Variants in ZFHX3 observed in about 807,000 individuals in gnomAD.
ZFHX3 encodes the protein zinc finger homeobox protein 3.
A neutral mutation model predicts 279.1 loss-of-function variants in ZFHX3; 42 were observed. The observed-to-expected ratio is 0.15, with a 90% CI of 0.12 to 0.19. The LOEUF is 0.19. Ranked by LOEUF, ZFHX3 falls within the 10% of genes least tolerant of loss-of-function variation. ZFHX3 has a pLI of 1.00. For synonymous variants in ZFHX3, 2,293 were observed against 1,957.8 expected, an observed-to-expected ratio of 1.17 and a Z score of -4.52; for missense variants, 4,981 against 4,754.0, an observed-to-expected ratio of 1.05 and a Z score of -1.40.
At chr16:73,063,281 G>A (rs966640067), upstream of ZFHX3, among the ~76,000 whole-genome samples, 7 of 152,232 alleles carry the variant, frequency 4.6e-5, no homozygotes, top group Admixed American at 6.5e-5. Flanking sequence ...TAGGGGTCAA[G>A]TCCGAGATCA....
At chr16:73,634,442 A>G (rs1048757192) in intron 2 of ZFHX3, among the ~76,000 whole-genome samples, 1 of 141,620 alleles carries the variant, frequency 7.1e-6, no homozygotes, top group African/African-American at 2.8e-5. Flanking sequence ...TAATATATAT[A>G]TATATATATA....
intron 3 of ZFHX3, among the ~76,000 whole-genome samples, chr16:73,348,124 G>A (rs1401604795): frequency 6.6e-6 from 1 of 152,038 alleles, no homozygotes; most frequent in African/African-American, 2.4e-5. Context: ...TCTTGAACTT[G>A]GGCAGGCCGA....
At chr16:73,602,065 G>A (rs1041805888) in intron 2 of ZFHX3, among the ~76,000 whole-genome samples, 1 of 152,140 alleles carries the variant, frequency 6.6e-6, no homozygotes, top group Non-Finnish European at 1.5e-5. Context: ...CTGAGAAGCT[G>A]AGGCTTCAGT....
intron 2 of ZFHX3, among the ~76,000 whole-genome samples, chr16:73,509,022 A>T (rs2019376975): frequency 6.6e-6 from 1 of 152,198 alleles, no homozygotes; most frequent in East Asian, 1.9e-4. Flanking sequence ...ACCCATCCCA[A>T]ATGCAGTGTC....
chr16:72,927,528 G>A (rs1959521761), intron 3 of ZFHX3, among the ~76,000 whole-genome samples: 1 of 152,156 alleles, frequency 6.6e-6, no homozygotes. Context: ...AGGATTTGGG[G>A]GAACGTTCAG....
chr16:73,660,335 C>T (rs909372698), intron 2 of ZFHX3, among the ~76,000 whole-genome samples: 1 of 152,140 alleles, frequency 6.6e-6, no homozygotes, highest in African/African-American at 2.4e-5. Context: ...TGAACAAACC[C>T]ACACTAAATT....
At chr16:73,708,822 G>A (rs2053329612) in intron 1 of ZFHX3, among the ~76,000 whole-genome samples, 1 of 152,070 alleles carries the variant, frequency 6.6e-6, no homozygotes, top group South Asian at 2.1e-4. Flanking sequence ...AGGTAACTTA[G>A]GGGAGAGGAA....
chr16:73,586,641 T>C (rs2143833210), intron 2 of ZFHX3, among the ~76,000 whole-genome samples: 1 of 152,242 alleles, frequency 6.6e-6, no homozygotes, highest in African/African-American at 2.4e-5. Context: ...TAAAAATTGA[T>C]AGGATTACCA....
intron 1 of ZFHX3, among the ~76,000 whole-genome samples, chr16:73,856,704 T>C (rs1423437197): frequency 6.6e-6 from 1 of 152,316 alleles, no homozygotes; most frequent in South Asian, 2.1e-4. Context: ...TGCAGGGTTA[T>C]ACCATAATCA....
intron 1 of ZFHX3, among the ~76,000 whole-genome samples, chr16:73,030,287 T>C (rs1439214194): frequency 1.3e-5 from 2 of 152,234 alleles, no homozygotes; most frequent in African/African-American, 2.4e-5. Flanking sequence ...ATGAATCTCA[T>C]AGCACGGAGA....
At chr16:73,337,377 A>C (rs1411915391) in intron 3 of ZFHX3, among the ~76,000 whole-genome samples, 2 of 152,138 alleles carry the variant, frequency 1.3e-5, no homozygotes, top group African/African-American at 4.8e-5. Flanking sequence ...AGGCCCCTTC[A>C]GTGGTGAGCT....
At chr16:73,248,057 TAA>T (rs1238748741) in intron 5 of ZFHX3, among the ~76,000 whole-genome samples, 2 of 151,658 alleles carry the variant, frequency 1.3e-5, no homozygotes, top group East Asian at 3.9e-4. Context: ...GTGGAGTGTA[TAA>T]GTGTGTGTAT....
At position 73,253,349 on chromosome 16, in the gene ZFHX3, G is replaced by A. The variant is rs150361244; in HGVS notation, c.-1104+3698C>T. 1.3e-3 allele frequency among the ~76,000 whole-genome samples: 191 copies of A among 152,238 alleles called. 1 individual carries two copies. The highest frequency in any genetic ancestry group is 4.4e-3 in the African/African-American group (184 of 41,556). On this transcript the variant is annotated intron_variant, in intron 5 of 17. Transcript: ENST00000641206. ...AAAGACTGTGAGAAATGAAATCAAT[G>A]GAAAGAGAAAGTTAAATACACCAAG...
At chr16:73,737,829 C>T (rs151150160) in intron 1 of ZFHX3, among the ~76,000 whole-genome samples, 1 of 152,258 alleles carries the variant, frequency 6.6e-6, no homozygotes, top group East Asian at 1.9e-4. Context: ...AGCACCTCCC[C>T]CAGAGAGTGG....
At chr16:72,838,973 C>G (rs966565554) in intron 4 of ZFHX3, among the ~76,000 whole-genome samples, 1 of 151,856 alleles carries the variant, frequency 6.6e-6, no homozygotes, top group African/African-American at 2.4e-5. Context: ...GAAACGCTCT[C>G]GGAATACACG....
At chr16:73,517,321 A>G (rs1169775548) in intron 2 of ZFHX3, among the ~76,000 whole-genome samples, 1 of 152,114 alleles carries the variant, frequency 6.6e-6, no homozygotes, top group Non-Finnish European at 1.5e-5. Flanking sequence ...AATATTTATC[A>G]TCTCATGCTC....
In ZFHX3 at chr16:73,111,644, AAG is replaced by A. The variant is rs972603812; in HGVS notation, c.-896-18048_-896-18047del. ...AAGAGAGAGAGAAAGAAGAGAGAGA[AAG>A]AGAGGAAGGAAGGAAGGAGAGAGCG... On this transcript the variant is annotated intron_variant, in intron 7 of 17. Coordinates refer to the ZFHX3 transcript ENST00000641206. Among the ~76,000 whole-genome samples, 4 of 67,556 alleles carry A rather than the reference AAG, an allele frequency of 5.9e-5. No homozygotes were observed. In the South Asian group the frequency reaches 1.4e-3, roughly 23 times the overall value. 44.3% of individuals were successfully genotyped at this position (67,556 alleles called of 152,430 possible).
intron 2 of ZFHX3, among the ~76,000 whole-genome samples, chr16:73,476,281 G>A (rs1438717606): frequency 1.3e-5 from 2 of 151,736 alleles, no homozygotes; most frequent in Admixed American, 1.3e-4. Flanking sequence ...CTATTCTTTC[G>A]AGATTTTGAT....
intron 2 of ZFHX3, among the ~76,000 whole-genome samples, chr16:73,555,877 A>G (rs1216672798): frequency 2.0e-5 from 3 of 152,112 alleles, no homozygotes; most frequent in Non-Finnish European, 4.4e-5. Context: ...CGAGGTAAAC[A>G]ATACCATGCT....
Sources: allele counts gnomAD v4.1 joint callset (sites outside exome capture counted in the v4.1 genomes callset), GRCh38; gene constraint gnomAD v4.1.1; transcripts MANE v1.5; gene names NCBI Gene and HGNC (gene_info 2026-07-23, HGNC 2026-07-21).